The following BCOR variants were observed in gnomAD, a reference collection of about 807,000 sequenced individuals.
The protein encoded by BCOR is BCL6 corepressor.
A neutral mutation model predicts 86.7 loss-of-function variants in BCOR; 10 were observed. That is an observed-to-expected ratio of 0.12 (90% confidence interval 0.07 to 0.20). BCOR has a LOEUF of 0.20. Ranked by LOEUF, BCOR falls within the 10% of genes least tolerant of loss-of-function variation. BCOR has a pLI of 1.00. For synonymous variants in BCOR, 611 were observed against 609.0 expected (o/e 1.00, Z -0.05); for missense variants, 1,259 against 1,452.1 (o/e 0.87, Z 2.16).
Position 40,071,843 on chromosome X carries a change from A to G in BCOR, c.2998-153T>C, listed in dbSNP as rs776389918. ...AATATCTTAAGGAAATTCCTATACAACATCTATCATAATTCACTAGCAAGT... is the reference window on the plus strand; with the variant it reads ...AATATCTTAAGGAAATTCCTATACAGCATCTATCATAATTCACTAGCAAGT... On this transcript the variant is annotated intron_variant, in intron 4 of 14. Coordinates refer to ENST00000378444, the MANE Select transcript of BCOR (RefSeq NM_001123385.2). The G allele has an allele frequency of 1.7e-5, 8 of 460,182 alleles. No individual in the cohort carries two copies. In the African/African-American group the frequency reaches 1.9e-4, roughly 11 times the overall value. 37.9% of individuals were successfully genotyped at this position (460,182 alleles called of 1,213,427 possible).
At chrX:40,079,383 G>C in intron 1 of BCOR, among the ~76,000 whole-genome samples, 1 of 112,283 alleles carries the variant, frequency 8.9e-6, no homozygotes, top group Non-Finnish European at 1.9e-5. Context: ...GAGAGTGACT[G>C]AGGGTGGGAG....
At chrX:40,061,464 T>A (rs1934863432) in intron 10 of BCOR, among the ~76,000 whole-genome samples, 1 of 111,355 alleles carries the variant, frequency 9.0e-6, no homozygotes, top group Non-Finnish European at 1.9e-5. Flanking sequence ...ACAAAGATGA[T>A]GAAAGGGTGA....
chrX:40,069,818 G>A (rs1044663458), intron 6 of BCOR, among the ~76,000 whole-genome samples: 1 of 112,302 alleles, frequency 8.9e-6, no homozygotes, highest in Non-Finnish European at 1.9e-5. Flanking sequence ...ACTCTTTGAG[G>A]AAGAGTGAGC....
chrX:40,094,878 G>A (rs377058246), intron 1 of BCOR, among the ~76,000 whole-genome samples: 2 of 113,303 alleles, frequency 1.8e-5, no homozygotes, highest in African/African-American at 6.4e-5. Context: ...CCTGCAAAGG[G>A]CTGGAGAGAA....
chrX:40,143,893 G>A (rs1249352891), intron 1 of BCOR, among the ~76,000 whole-genome samples: 2 of 112,566 alleles, frequency 1.8e-5, no homozygotes, highest in African/African-American at 3.2e-5. Context: ...GGAGGCAGAG[G>A]TTGCAGTGAG....
At chrX:40,163,229 G>A (rs374627341) in intron 1 of BCOR, among the ~76,000 whole-genome samples, 1 of 110,597 alleles carries the variant, frequency 9.0e-6, no homozygotes, top group Non-Finnish European at 1.9e-5. Flanking sequence ...TAAGGATGGC[G>A]GCAGATAGAA....
chrX:40,071,479 C>T (rs886390073), intron 5 of BCOR, among the ~76,000 whole-genome samples, 158 bp downstream of exon 5: 10 of 111,767 alleles, frequency 8.9e-5, no homozygotes, highest in African/African-American at 1.3e-4. Flanking sequence ...GAAAACACAA[C>T]GCAAAGAAAA....
chrX:40,139,456 CATATATATATATAT>C (rs1163392804), intron 1 of BCOR, among the ~76,000 whole-genome samples: 7 of 689 alleles, frequency 0.01, no homozygotes, highest in Admixed American at 0.069. Context: ...AATATATATA[CATATATATATATAT>C]ATATATATAT....
upstream of BCOR, among the ~76,000 whole-genome samples, chrX:40,100,856 AC>A (rs933032014): frequency 7.3e-5 from 8 of 110,084 alleles, no homozygotes; most frequent in African/African-American, 2.6e-4. Context: ...TTCGCCTTTG[AC>A]GTAATTTGCA....
At chrX:40,128,580 C>T (rs185560484) in intron 1 of BCOR, among the ~76,000 whole-genome samples, 63 of 112,147 alleles carry the variant, frequency 5.6e-4, no homozygotes, top group African/African-American at 1.9e-3. Context: ...ACTCCAATGG[C>T]ATCTGTGCTT....
At chrX:40,114,672 T>C (rs2147849770) in intron 1 of BCOR, among the ~76,000 whole-genome samples, 1 of 111,282 alleles carries the variant, frequency 9.0e-6, no homozygotes, top group Non-Finnish European at 1.9e-5. Context: ...AGTAACTGTG[T>C]CCCTGCGCTG....
Position 40,074,472 on chromosome X carries a change from C to A in BCOR, c.874G>T (p.Gly292Cys), listed in dbSNP as rs774040250. The A allele has an allele frequency of 1.2e-5, 14 of 1,204,010 alleles. No individual in the cohort carries two copies. The South Asian group carries it at 2.3e-4, about 20-fold the overall frequency. Reference sequence around the variant, plus strand: ...TCAACAGGATTCCCAGGGCTGACGCCCATCTTCCACGGGAGGCTTTTGTCT... The same window carrying A: ...TCAACAGGATTCCCAGGGCTGACGCACATCTTCCACGGGAGGCTTTTGTCT... ...CADKSLPWKMGVSPGNPVDSH... is the reference protein window; with the variant it reads ...CADKSLPWKMCVSPGNPVDSH... Residue 292 changes from glycine to cysteine, a missense_variant, in exon 4 of 15, where the codon GGC (glycine) becomes TGC (cysteine). Transcript: ENST00000378444.
At chrX:40,124,342 G>A (rs1937519573) in intron 1 of BCOR, among the ~76,000 whole-genome samples, 1 of 109,230 alleles carries the variant, frequency 9.2e-6, no homozygotes, top group African/African-American at 3.3e-5. Flanking sequence ...GCACGATCTT[G>A]GCTCACTACA....
intron 1 of BCOR, among the ~76,000 whole-genome samples, chrX:40,092,463 G>GA (rs1245697893): frequency 1.1e-3 from 114 of 101,728 alleles, no homozygotes; most frequent in Middle Eastern, 5.0e-3. Context: ...TCCTCCAGAG[G>GA]AAAAAAAAAA....
rs367724028 is a variant in BCOR at position 40,087,455 on chromosome X, C to T, written c.-40-9486G>A. On this transcript the variant is annotated intron_variant, in intron 1 of 14. Transcript: ENST00000378444. ...AACTTTCCACCAGGATATAGAATAA[C>T]GATAGCAGACAAATACTTATTCTTT... is the stretch of plus-strand genomic sequence containing the variant. Among the ~76,000 whole-genome samples, 52 of 112,692 alleles carry T rather than the reference C, an allele frequency of 4.6e-4. No homozygotes were observed. The East Asian group carries it at 0.012, about 26-fold the overall frequency.
intron 1 of BCOR, among the ~76,000 whole-genome samples, chrX:40,091,815 G>T (rs1039734265): frequency 8.9e-6 from 1 of 112,962 alleles, no homozygotes; most frequent in Non-Finnish European, 1.9e-5. Flanking sequence ...GCAAACAGAC[G>T]GAATCCCGTC....
intron 1 of BCOR, among the ~76,000 whole-genome samples, chrX:40,090,712 T>A (rs1272991236): frequency 1.8e-5 from 2 of 111,800 alleles, no homozygotes; most frequent in Non-Finnish European, 3.8e-5. Context: ...CTCCGAAAAG[T>A]CTAATGCTCC....
At chrX:40,137,170 T>C (rs940421497) in intron 1 of BCOR, among the ~76,000 whole-genome samples, 5 of 112,491 alleles carry the variant, frequency 4.4e-5, no homozygotes, top group Admixed American at 9.5e-5. Flanking sequence ...ATATGGCAGA[T>C]ACACCTCAAT....
In BCOR at chrX:40,097,319, G is replaced by A. The variant is rs1936937101; in HGVS notation, c.-145C>T. 9.2e-6 allele frequency: 1 copy of A among 109,078 alleles called. No individual in the cohort carries two copies. The highest frequency in any genetic ancestry group is 1.9e-5 in the Non-Finnish European group (1 of 51,941). 9.0% of individuals were successfully genotyped at this position (109,078 alleles called of 1,213,427 possible). A position where few individuals can be genotyped will look rare whatever the true frequency, so the allele number is the denominator to read the frequency against. ...GCGAGAAGGAGCGGGGGGCGGTTGG[G>A]TGGGTGGAGAGAGATATGAGGGGTG... is the stretch of plus-strand genomic sequence containing the variant. On this transcript the variant is annotated 5_prime_UTR_variant, in exon 1 of 15. Transcript: ENST00000378444.
Sources: allele counts gnomAD v4.1 joint callset (sites outside exome capture counted in the v4.1 genomes callset), GRCh38; gene constraint gnomAD v4.1.1; transcripts MANE v1.5; gene names NCBI Gene and HGNC (gene_info 2026-07-23, HGNC 2026-07-21).